ADAMTSL1: variants seen among roughly 807,000 people sequenced by gnomAD.
ADAMTSL1 encodes the protein ADAMTS like 1.
ADAMTSL1 carries 126 observed loss-of-function variants against 201.8 expected under a neutral mutation model. The ratio of observed to expected loss-of-function variants is 0.62; its 90% CI spans 0.54 to 0.72. The LOEUF is 0.72. ADAMTSL1 is among the 30% of genes least tolerant of loss of function. The probability of loss-of-function intolerance (pLI) is 0.00; values close to 1 mark genes in which losing one functional copy is unlikely to be tolerated. For synonymous variants in ADAMTSL1, 1,121 were observed against 903.4 expected (o/e 1.24, Z -4.32); for missense variants, 2,679 against 2,277.8 (o/e 1.18, Z -3.59).
At chr9:18,072,740 A>G (rs571848602) in intron 1 of ADAMTSL1, among the ~76,000 whole-genome samples, 3 of 152,316 alleles carry the variant, frequency 2.0e-5, no homozygotes, top group African/African-American at 7.2e-5. Context: ...TTCGTTTTGA[A>G]GGGTTGGTAC....
intron 2 of ADAMTSL1, among the ~76,000 whole-genome samples, chr9:18,201,132 G>T (rs139407907): frequency 6.6e-6 from 1 of 152,040 alleles, no homozygotes; most frequent in African/African-American, 2.4e-5. Context: ...TTTACTGAAA[G>T]CATAGACAGT....
chr9:18,406,323 T>TCTTTTCTTTC (rs1818200287), intron 2 of ADAMTSL1, among the ~76,000 whole-genome samples: 1 of 149,142 alleles, frequency 6.7e-6, no homozygotes, highest in African/African-American at 2.5e-5. Context: ...TCTTTTCTTT[T>TCTTTTCTTTC]CTTTTCTTTT....
chr9:18,425,082 A>G (rs1819145754), intron 2 of ADAMTSL1, among the ~76,000 whole-genome samples: 1 of 151,998 alleles, frequency 6.6e-6, no homozygotes, highest in Admixed American at 6.6e-5. Context: ...ATAGGGCTGA[A>G]ATTTGAAACT....
Position 18,474,277 on chromosome 9 carries a change from T to C in ADAMTSL1, c.45T>C (p.Phe15=). 1.2e-6 allele frequency: 2 copies of C among 1,614,178 alleles called. No individual in the cohort carries two copies. Among genetic ancestry groups the C allele is most frequent in the Non-Finnish European group, 1.7e-6 (2 of 1,180,018 alleles). The part of the protein sequence containing the change: ...RRATPGTLLL[F]LAFLLLSSRT... ...CAACTCCTGGCACACTGCTCCTCTT[T>C]CTGGCTTTCCTGCTCCTGGTAAATG... Residue 15 remains phenylalanine (F), a synonymous_variant, in exon 1 of 29, where the codon TTT becomes TTC. Transcript: ENST00000380548.
chr9:18,271,336 C>G (rs1475055816), intron 2 of ADAMTSL1, among the ~76,000 whole-genome samples: 4 of 152,086 alleles, frequency 2.6e-5, no homozygotes, highest in African/African-American at 9.7e-5. Context: ...CCCCACTCCC[C>G]CCACCCCACA....
At chr9:18,730,548 C>T (rs909863470) in intron 15 of ADAMTSL1, among the ~76,000 whole-genome samples, 5 of 152,202 alleles carry the variant, frequency 3.3e-5, no homozygotes, top group African/African-American at 7.2e-5. Context: ...TGAATTCTTC[C>T]GTCATTCATG....
At chr9:18,610,756 C>G (rs902184908) in intron 4 of ADAMTSL1, among the ~76,000 whole-genome samples, 1 of 152,026 alleles carries the variant, frequency 6.6e-6, no homozygotes, top group African/African-American at 2.4e-5. Context: ...ATAGATAAAT[C>G]CCTCTTCACC....
At chr9:18,626,868 TGTC>T (rs1330519458) in intron 5 of ADAMTSL1, among the ~76,000 whole-genome samples, 14 of 130,120 alleles carry the variant, frequency 1.1e-4, no homozygotes, top group Admixed American at 5.3e-4. Flanking sequence ...TCTTTCTTTC[TGTC>T]TTTCTTCCTT....
At chr9:18,646,046 G>C (rs1017705376) in intron 7 of ADAMTSL1, among the ~76,000 whole-genome samples, 24 of 152,048 alleles carry the variant, frequency 1.6e-4, no homozygotes, top group Non-Finnish European at 2.5e-4. Flanking sequence ...CCATTTGTTT[G>C]TATCCTCTTT....
At chr9:18,811,275 C>T (rs1424678300) in intron 20 of ADAMTSL1, among the ~76,000 whole-genome samples, 1 of 152,168 alleles carries the variant, frequency 6.6e-6, no homozygotes, top group Non-Finnish European at 1.5e-5. Flanking sequence ...TTTCAGTCCT[C>T]GTTCATTACA....
chr9:18,418,644 T>A (rs1818800672), intron 2 of ADAMTSL1, among the ~76,000 whole-genome samples: 1 of 152,170 alleles, frequency 6.6e-6, no homozygotes. Flanking sequence ...AAAATATGTA[T>A]GGGATCTGCA....
chr9:18,562,948 A>G (rs912509197), intron 3 of ADAMTSL1, among the ~76,000 whole-genome samples: 1 of 152,140 alleles, frequency 6.6e-6, no homozygotes, highest in Non-Finnish European at 1.5e-5. Flanking sequence ...GCTTCCTTGC[A>G]TTGGGTTAGA....
intron 1 of ADAMTSL1, among the ~76,000 whole-genome samples, chr9:18,064,665 G>T (rs1822613534): frequency 6.6e-6 from 1 of 152,048 alleles, no homozygotes; most frequent in Non-Finnish European, 1.5e-5. Flanking sequence ...ATGAAAGAAT[G>T]ATTACATGTA....
chr9:18,787,881 A>G (rs1049764455), intron 19 of ADAMTSL1, among the ~76,000 whole-genome samples: 1 of 152,202 alleles, frequency 6.6e-6, no homozygotes, highest in Non-Finnish European at 1.5e-5. Flanking sequence ...ATTTGAAATG[A>G]GTTACCCAGC....
At chr9:17,963,800 A>T (rs1487594341) in intron 1 of ADAMTSL1, among the ~76,000 whole-genome samples, 1 of 152,138 alleles carries the variant, frequency 6.6e-6, no homozygotes, top group African/African-American at 2.4e-5. Context: ...TTGTTGAAAG[A>T]TTCCCAGGAA....
intron 1 of ADAMTSL1, among the ~76,000 whole-genome samples, chr9:18,047,031 G>A (rs1276483476): frequency 6.6e-6 from 1 of 152,084 alleles, no homozygotes; most frequent in Non-Finnish European, 1.5e-5. Context: ...GCAGAAAAAT[G>A]GCTTAGAAGA....
At chr9:18,314,782 C>CTT (rs776046209) in intron 2 of ADAMTSL1, among the ~76,000 whole-genome samples, 624 of 49,798 alleles carry the variant, frequency 0.013, 204 homozygotes, top group Non-Finnish European at 0.015. Flanking sequence ...CGGCAGCGTG[C>CTT]TTTTTTTTTT....
intron 14 of ADAMTSL1, 108 bp downstream of exon 14, chr9:18,707,156 G>A (rs1003004654): frequency 2.2e-6 from 3 of 1,349,016 alleles, no homozygotes; most frequent in Non-Finnish European, 3.0e-6. Context: ...TGATAAGCAG[G>A]AGGAGGAGGG....
intron 2 of ADAMTSL1, among the ~76,000 whole-genome samples, chr9:18,418,319 C>T (rs576152896): frequency 6.6e-6 from 1 of 152,262 alleles, no homozygotes; most frequent in Admixed American, 6.5e-5. Context: ...CAGTGATGTC[C>T]AATCTCACTG....
Sources: allele counts gnomAD v4.1 joint callset (sites outside exome capture counted in the v4.1 genomes callset), GRCh38; gene constraint gnomAD v4.1.1; transcripts MANE v1.5; gene names NCBI Gene and HGNC (gene_info 2026-07-23, HGNC 2026-07-21).